NLGN4X: variants seen among roughly 807,000 people sequenced by gnomAD.
NLGN4X encodes the protein neuroligin 4 X-linked.
NLGN4X carries 3 observed loss-of-function variants against 40.3 expected under a neutral mutation model. The ratio of observed to expected loss-of-function variants is 0.07; its 90% CI spans 0.03 to 0.19. The LOEUF (loss-of-function observed/expected upper bound fraction) is 0.19. NLGN4X is among the 10% of genes least tolerant of loss of function. The pLI is 1.00. For synonymous variants in NLGN4X, 270 were observed against 306.8 expected (o/e 0.88, Z 1.25); for missense variants, 382 against 708.3 (o/e 0.54, Z 5.23).
At chrX:6,199,342 AT>A (rs1923395570) in intron 1 of NLGN4X, among the ~76,000 whole-genome samples, 1 of 111,585 alleles carries the variant, frequency 9.0e-6, no homozygotes, top group African/African-American at 3.3e-5. Context: ...ATCTTACTTA[AT>A]TTTTAGCATT....
chrX:6,185,588 A>C (rs777569148), intron 1 of NLGN4X, among the ~76,000 whole-genome samples: 1 of 112,147 alleles, frequency 8.9e-6, no homozygotes, highest in South Asian at 3.7e-4. Flanking sequence ...ATTCCCACAA[A>C]AAATAGAATC....
rs567535380 is a variant in NLGN4X at position 6,182,834 on chromosome X, T to C, written c.-305-31063A>G. On this transcript the variant is annotated intron_variant, in intron 1 of 5. Coordinates refer to ENST00000381095, the MANE Select transcript of NLGN4X (RefSeq NM_181332.3). ...AGGAGCCCTGCTGACACTAAGATTG[T>C]AGCTCCACCAGGTCCATTTCAGAAA... is the stretch of plus-strand genomic sequence containing the variant. Among the ~76,000 whole-genome samples the C allele has an allele frequency of 2.7e-5, 3 of 112,237 alleles. No individual in the cohort carries two copies. In the Admixed American group the frequency reaches 2.8e-4, roughly 11 times the overall value.
chrX:5,958,593 A>C (rs1246941334), intron 3 of NLGN4X, among the ~76,000 whole-genome samples: 3 of 111,867 alleles, frequency 2.7e-5, no homozygotes, highest in Non-Finnish European at 3.8e-5. Context: ...GGTTTTCCAA[A>C]GTAAAAAGCT....
At chrX:5,912,178 G>T (rs2032506494) in intron 3 of NLGN4X, among the ~76,000 whole-genome samples, 1 of 111,780 alleles carries the variant, frequency 8.9e-6, no homozygotes, top group Non-Finnish European at 1.9e-5. Context: ...TCATTACCCA[G>T]GTAATAAGCA....
Position 5,890,700 on chromosome X carries a change from G to C in NLGN4X, c.*2117C>G, listed in dbSNP as rs1394785952. On this transcript the variant is annotated 3_prime_UTR_variant, in exon 6 of 6. Coordinates refer to ENST00000381095, the MANE Select transcript of NLGN4X (RefSeq NM_181332.3). Reference sequence around the variant, plus strand: ...ATCTTACCATGACACCTCTCTGTAGGAAAGAAATGTTGCTTCACGTGTGCT... The same window carrying C: ...ATCTTACCATGACACCTCTCTGTAGCAAAGAAATGTTGCTTCACGTGTGCT... The C allele has an allele frequency of 9.5e-6, 3 of 317,135 alleles. No homozygotes were observed. The highest frequency in any genetic ancestry group is 1.8e-5 in the Non-Finnish European group (3 of 165,552). 26.1% of individuals were successfully genotyped at this position (317,135 alleles called of 1,213,427 possible). A position where few individuals can be genotyped will look rare whatever the true frequency, so the allele number is the denominator to read the frequency against.
chrX:6,082,145 G>C (rs1163609198), intron 2 of NLGN4X, among the ~76,000 whole-genome samples: 1 of 111,779 alleles, frequency 8.9e-6, no homozygotes, highest in Non-Finnish European at 1.9e-5. Context: ...TTAATATTCT[G>C]TATTTTGGCA....
chrX:6,220,436 G>C lies in NLGN4X; in HGVS notation c.-306+8105C>G, dbSNP rs185286789. ...AGCGTTGGTAAAGGGTGCCTAGTTT[G>C]ATCTTTGTAAAAGTTGTCTATTTCT... On this transcript the variant is annotated intron_variant, in intron 1 of 5. Transcript: ENST00000381095. Among the ~76,000 whole-genome samples the C allele has an allele frequency of 9.5e-5, 10 of 105,029 alleles. No individual in the cohort carries two copies. In the East Asian group the frequency reaches 3.0e-3, roughly 31 times the overall value. 91.2% of individuals were successfully genotyped at this position (105,029 alleles called of 115,157 possible).
chrX:6,102,643 T>TATAC (rs60184331), intron 2 of NLGN4X, among the ~76,000 whole-genome samples: 1,263 of 104,397 alleles, frequency 0.012, 10 homozygotes, highest in African/African-American at 0.024. Flanking sequence ...TTGATAGATA[T>TATAC]ATACATACAT....
chrX:6,081,955 T>C (rs774700754), intron 2 of NLGN4X, among the ~76,000 whole-genome samples: 3 of 112,427 alleles, frequency 2.7e-5, no homozygotes, highest in Non-Finnish European at 5.6e-5. Flanking sequence ...GAACCCTACA[T>C]TTCTTCAACT....
chrX:6,083,059 C>T (rs2038406979), intron 2 of NLGN4X, among the ~76,000 whole-genome samples: 1 of 100,315 alleles, frequency 1.0e-5, no homozygotes, highest in Non-Finnish European at 2.0e-5. Flanking sequence ...CTGGGGTTCA[C>T]GCCATTCTCC....
intron 5 of NLGN4X, among the ~76,000 whole-genome samples, chrX:5,897,480 C>T: frequency 9.0e-6 from 1 of 111,599 alleles, no homozygotes; most frequent in Non-Finnish European, 1.9e-5. Context: ...CAAAAACGGT[C>T]TCAATCTACC....
chrX:6,134,438 C>G (rs1341749576), intron 2 of NLGN4X, among the ~76,000 whole-genome samples: 1 of 111,345 alleles, frequency 9.0e-6, no homozygotes, highest in Admixed American at 9.6e-5. Context: ...GGGACACATG[C>G]TTCTCCCAGA....
intron 2 of NLGN4X, among the ~76,000 whole-genome samples, chrX:6,149,757 T>C (rs2040126014): frequency 9.0e-6 from 1 of 111,713 alleles, no homozygotes; most frequent in African/African-American, 3.3e-5. Flanking sequence ...TTCTTTGTAA[T>C]CTCAATGACA....
intron 2 of NLGN4X, among the ~76,000 whole-genome samples, chrX:6,082,960 T>C (rs1485632207): frequency 4.7e-5 from 4 of 85,790 alleles, no homozygotes; most frequent in Non-Finnish European, 9.3e-5. Flanking sequence ...TTTTTTCTTT[T>C]TTTTTTTTTT....
chrX:6,019,075 T>C (rs2036468280), intron 3 of NLGN4X, among the ~76,000 whole-genome samples: 1 of 112,534 alleles, frequency 8.9e-6, no homozygotes, highest in Non-Finnish European at 1.9e-5. Flanking sequence ...GTACCTGCCA[T>C]AATTTGGTTA....
chrX:6,091,906 T>C (rs1423948289), intron 2 of NLGN4X, among the ~76,000 whole-genome samples: 1 of 110,186 alleles, frequency 9.1e-6, no homozygotes, highest in East Asian at 2.9e-4. Context: ...CTTTCTTCCT[T>C]TGTTCTTTTT....
intron 3 of NLGN4X, among the ~76,000 whole-genome samples, chrX:5,965,998 G>A (rs1422814005): frequency 9.0e-6 from 1 of 111,572 alleles, no homozygotes; most frequent in Admixed American, 9.5e-5. Context: ...TCTCATTGAC[G>A]TTCCACCTTC....
intron 3 of NLGN4X, among the ~76,000 whole-genome samples, chrX:5,928,288 T>G (rs1175036705): frequency 8.9e-6 from 1 of 112,614 alleles, no homozygotes; most frequent in Admixed American, 9.4e-5. Context: ...ATCTTCCTTC[T>G]GCTCAATCAG....
chrX:5,892,978 G>T lies in NLGN4X; in HGVS notation c.2290C>A (p.Leu764Met). 2.5e-6 allele frequency: 3 copies of T among 1,211,766 alleles called. No homozygotes were observed. The highest frequency in any genetic ancestry group is 3.3e-6 in the Non-Finnish European group (3 of 895,546). ...GGGATGTCATCTGGCGACCGGCGCA[G>T]CGTGAGGGTGTAGTCTGGCGGGCAG... Reference protein sequence around the residue: ...LTCPPDYTLTLRRSPDDIPLM... With the variant: ...LTCPPDYTLTMRRSPDDIPLM... The change falls in exon 6 of 6, where the codon CTG becomes ATG. Residue 764 changes from leucine to methionine, a missense_variant. Physicochemically the swap from Leu to Met is conservative, Grantham distance 15 (BLOSUM62 2). This residue lies in a region of NLGN4X where 57 missense variants were observed against 65.6 expected (regional missense o/e 0.87). Coordinates refer to ENST00000381095, the MANE Select transcript of NLGN4X (RefSeq NM_181332.3).
Sources: gnomAD v4.1 joint callset for allele counts (sites outside exome capture counted in the v4.1 genomes callset) on GRCh38, gnomAD v4.1.1 for gene constraint, gnomAD v4.1.1 regional missense constraint, MANE v1.5 for transcripts, NCBI Gene and HGNC (gene_info 2026-07-23, HGNC 2026-07-21) for gene names.